Variants in DEFB112 observed in about 807,000 individuals in gnomAD.
DEFB112 encodes defensin beta 112.
Under a neutral mutation model 1.1 loss-of-function variants are expected in DEFB112, and 2 were observed. The observed-to-expected ratio is 1.85, with a 90% CI of 0.76 to 5.83. DEFB112 has a LOEUF of 5.83. Among genes scored for constraint, DEFB112 ranks in the 30% most tolerant of loss-of-function variants. The pLI, the probability that DEFB112 is intolerant of heterozygous loss-of-function variation, is 0.05. For synonymous variants in DEFB112, 40 were observed against 31.2 expected (o/e 1.28, Z -0.93); for missense variants, 120 against 94.4 (o/e 1.27, Z -1.12).
intron 1 of DEFB112, 121 bp from the exon 2 acceptor site, chr6:50,043,922 T>C (rs942350160): frequency 1.2e-6 from 1 of 865,564 alleles, no homozygotes; most frequent in Non-Finnish European, 1.8e-6. Flanking sequence ...ATATTTGCTT[T>C]AATTTTTTTG....
At chr6:50,045,320 T>C (rs1183699491) in intron 1 of DEFB112, among the ~76,000 whole-genome samples, 1 of 152,036 alleles carries the variant, frequency 6.6e-6, no homozygotes, top group African/African-American at 2.4e-5. Context: ...GCCATGAGAT[T>C]ACTACCTACA....
rs572665285 is a variant in DEFB112, at chr6:50,043,878, A to G, written c.59-77T>C. On this transcript the variant is annotated intron_variant, in intron 1 of 1. Transcript: ENST00000651554. ...AGATTTAAAAGAAGACATGGGAGTA[A>G]TCACAGACAACAGAGGAGAAATAAA... 1.1e-4 allele frequency: 139 copies of G among 1,221,912 alleles called. No homozygotes were observed. The African/African-American group carries it at 1.8e-3, about 16-fold the overall frequency. 75.7% of individuals were successfully genotyped at this position (1,221,912 alleles called of 1,614,324 possible).
intron 1 of DEFB112, chr6:50,048,416 G>T: frequency 1.2e-6 from 1 of 820,284 alleles, no homozygotes; most frequent in South Asian, 1.5e-5. Context: ...TGAGGTGAAA[G>T]ACAAGAACAT....
In DEFB112 at chr6:50,042,410, G is replaced by A. The variant is rs191274589; in HGVS notation, c.*1165C>T. Among the ~76,000 whole-genome samples, 6 of 152,128 alleles carry A rather than the reference G, an allele frequency of 3.9e-5. No homozygotes were observed. Among genetic ancestry groups the A allele is most frequent in the Admixed American group, 1.3e-4 (2 of 15,256 alleles). On this transcript the variant is annotated 3_prime_UTR_variant, in exon 2 of 2. Coordinates refer to ENST00000651554, the MANE Select transcript of DEFB112 (RefSeq NM_001369057.2). ...GCTGAAATGTGTATATGTCACAGCA[G>A]CATAAGAAACCTACCAGGTACAAGT... is the stretch of plus-strand genomic sequence containing the variant.
chr6:50,043,596 G>A lies in DEFB112; in HGVS notation c.264C>T (p.Tyr88=), dbSNP rs1200639396. The A allele has an allele frequency of 6.2e-7, 1 of 1,613,126 alleles. No homozygotes were observed. The highest frequency in any genetic ancestry group is 1.1e-5 in the South Asian group (1 of 91,018). The change falls in exon 2 of 2, where the codon TAC becomes TAT. Residue 88 remains tyrosine, a synonymous_variant. Coordinates refer to ENST00000651554, the MANE Select transcript of DEFB112 (RefSeq NM_001369057.2). ...PKDSVGTQEW[Y]PKDSRH Reference sequence around the variant, plus strand: ...TTCTTCAATGACGTGAGTCTTTAGGGTACCATTCTTGAGTCCCTACTGAGT... The same window carrying A: ...TTCTTCAATGACGTGAGTCTTTAGGATACCATTCTTGAGTCCCTACTGAGT...
chr6:50,047,322 G>A (rs991562140), intron 1 of DEFB112, among the ~76,000 whole-genome samples: 2 of 152,180 alleles, frequency 1.3e-5, no homozygotes, highest in Non-Finnish European at 2.9e-5. Context: ...TCGGTGCTGG[G>A]TTCTACTTAG....
chr6:50,046,221 C>CA (rs1774830325), intron 1 of DEFB112, among the ~76,000 whole-genome samples: 1 of 141,166 alleles, frequency 7.1e-6, no homozygotes, highest in Non-Finnish European at 1.5e-5. Flanking sequence ...TTGAGGAGCA[C>CA]TGTGTGTGTG....
At chr6:50,043,948 A>G in intron 1 of DEFB112, 147 bp from the exon 2 acceptor site, 1 of 685,602 alleles carries the variant, frequency 1.5e-6, no homozygotes, top group Non-Finnish European at 2.4e-6. Flanking sequence ...ATCAGAGAAA[A>G]TCAAGGAAAC....
rs183784699 is a variant in DEFB112 at position 50,044,084 on chromosome 6, A to G, written c.59-283T>C. ...ATTAATCTTCCTCTGTCTGTCTTGT[A>G]CATTGACTAGAACCATTGGATATGA... On this transcript the variant is annotated intron_variant, in intron 1 of 1. Transcript: ENST00000651554. 8.9e-4 allele frequency among the ~76,000 whole-genome samples: 136 copies of G among 152,198 alleles called. 1 individual carries two copies. Among genetic ancestry groups the G allele is most frequent in the Admixed American group, 1.0e-3 (16 of 15,260 alleles).
At chr6:50,045,123 T>C (rs1053492543) in intron 1 of DEFB112, among the ~76,000 whole-genome samples, 3 of 151,976 alleles carry the variant, frequency 2.0e-5, no homozygotes, top group Non-Finnish European at 4.4e-5. Context: ...GTAATAGTAA[T>C]ATGAATAATG....
intron 1 of DEFB112, chr6:50,048,430 A>C (rs1319263564): frequency 1.1e-6 from 1 of 896,830 alleles, no homozygotes; most frequent in Non-Finnish European, 1.8e-6. Flanking sequence ...AGAACATATA[A>C]GTAAACAGGG....
intron 1 of DEFB112, among the ~76,000 whole-genome samples, chr6:50,045,343 ATAT>A (rs1774814128): frequency 6.6e-6 from 1 of 152,004 alleles, no homozygotes; most frequent in Non-Finnish European, 1.5e-5. Flanking sequence ...AAGAAACAAG[ATAT>A]TACTAGAAGC....
rs750064339 is a variant in DEFB112, at chr6:50,043,761, C to T, written c.99G>A (p.Lys33=). 4 of 1,613,348 alleles carry T rather than the reference C, an allele frequency of 2.5e-6. No homozygotes were observed. In the African/African-American group the frequency reaches 4.0e-5, roughly 16 times the overall value. Residue 33 remains lysine, a synonymous_variant, in exon 2 of 2, where the codon AAG becomes AAA. Coordinates refer to ENST00000651554, the MANE Select transcript of DEFB112 (RefSeq NM_001369057.2). ...EGHHITFSRW[K]SCTAIGGRCK... ...ATCGACCTCCAATCGCTGTACATGA[C>T]TTCCACCTACTAAAGGTGATATGGT...
chr6:50,048,427 A>T lies in DEFB112; in HGVS notation c.58+1385T>A, dbSNP rs963660835. ...GCTATGAGGTGAAAGACAAGAACAT[A>T]TAAGTAAACAGGGACTGAGGTAGAG... On this transcript the variant is annotated intron_variant, in intron 1 of 1. Transcript: ENST00000651554. The T allele has an allele frequency of 8.1e-6, 7 of 869,036 alleles. No individual in the cohort carries two copies. In the East Asian group the frequency reaches 1.8e-4, roughly 23 times the overall value. The allele number at this position is 869,036 out of a possible 1,614,324, so 53.8% of individuals were successfully genotyped here.
chr6:50,049,399 C>A (rs2113960560), intron 1 of DEFB112, among the ~76,000 whole-genome samples: 1 of 152,184 alleles, frequency 6.6e-6, no homozygotes, highest in Middle Eastern at 3.4e-3. Context: ...ATCTGATTAA[C>A]CTCTGCTATA....
chr6:50,043,065 T>A lies in DEFB112; in HGVS notation c.*510A>T, dbSNP rs527949497. ...TTTGAGATTATTCTTGGAAAAAAAATCAGTTATTTTTATTTTCATAATTCT... is the reference window on the plus strand; with the variant it reads ...TTTGAGATTATTCTTGGAAAAAAAAACAGTTATTTTTATTTTCATAATTCT... On this transcript the variant is annotated 3_prime_UTR_variant, in exon 2 of 2. Transcript: ENST00000651554. Among the ~76,000 whole-genome samples the A allele has an allele frequency of 6.6e-6, 1 of 152,094 alleles. No individual in the cohort carries two copies. Among genetic ancestry groups the A allele is most frequent in the African/African-American group, 2.4e-5 (1 of 41,530 alleles).
At chr6:50,049,323 G>A (rs1023611971) in intron 1 of DEFB112, among the ~76,000 whole-genome samples, 7 of 152,114 alleles carry the variant, frequency 4.6e-5, no homozygotes, top group Non-Finnish European at 8.8e-5. Context: ...GAAGTGAGCA[G>A]TAGACAAGTG....
At chr6:50,043,896 G>A (rs761230519) in intron 1 of DEFB112, 95 bp from the exon 2 acceptor site, 44 of 1,008,732 alleles carry the variant, frequency 4.4e-5, no homozygotes, top group Admixed American at 3.1e-4. Flanking sequence ...CAACAGAGGA[G>A]AAATAAAGGA....
chr6:50,043,502 A>T lies in DEFB112; in HGVS notation c.*73T>A. 9.0e-7 allele frequency: 1 copy of T among 1,110,560 alleles called. No individual in the cohort carries two copies. The highest frequency in any genetic ancestry group is 1.3e-6 in the Non-Finnish European group (1 of 745,512). The allele number at this position is 1,110,560 out of a possible 1,614,324, so 68.8% of individuals were successfully genotyped here. ...ATAGGTATGCATGCATGGAAATTAT[A>T]GGTCATTAATGAAGTGATGAAATAA... On this transcript the variant is annotated 3_prime_UTR_variant, in exon 2 of 2. Coordinates refer to ENST00000651554, the MANE Select transcript of DEFB112 (RefSeq NM_001369057.2).
Sources: allele counts gnomAD v4.1 joint callset (sites outside exome capture counted in the v4.1 genomes callset), GRCh38; gene constraint gnomAD v4.1.1; transcripts MANE v1.5; gene names NCBI Gene and HGNC (gene_info 2026-07-23, HGNC 2026-07-21).